CIITA: variants seen among roughly 807,000 people sequenced by gnomAD.
CIITA encodes the protein MHC class II transactivator.
In CIITA, 72 loss-of-function variants were observed where a neutral mutation model predicts 115.1. The ratio of observed to expected loss-of-function variants is 0.63; its 90% CI spans 0.52 to 0.76. The LOEUF is 0.76. Ranked by LOEUF, CIITA falls within the 30% of genes least tolerant of loss-of-function variation. The pLI is 0.00. For missense variants in CIITA, 1,617 were observed against 1,463.8 expected, an observed-to-expected ratio of 1.10 and a Z score of -1.71; for synonymous variants, 763 against 635.6, an observed-to-expected ratio of 1.20 and a Z score of -3.02.
chr16:10,886,927 A>G (rs1045493048), intron 1 of CIITA, among the ~76,000 whole-genome samples: 2 of 152,212 alleles, frequency 1.3e-5, no homozygotes, highest in African/African-American at 4.8e-5. Context: ...TCTACATTGC[A>G]AGCCTCTTTG....
intron 9 of CIITA, among the ~76,000 whole-genome samples, chr16:10,904,211 A>T (rs1355614347): frequency 2.0e-5 from 3 of 152,034 alleles, no homozygotes; most frequent in Non-Finnish European, 2.9e-5. Flanking sequence ...GTGATTTTTT[A>T]ATTTTTATTT....
At position 10,918,432 on chromosome 16, in the gene CIITA, C is replaced by T; in HGVS notation, c.3063-8C>T. The stretch of plus-strand genomic sequence containing the variant: ...TCCTGAGCCCTCCCCCTCACTGTGT[C>T]CCCGCAGTCTGTCCCAGAACAACAT... On this transcript the variant is annotated splice_region_variant and splice_polypyrimidine_tract_variant and intron_variant, in intron 15 of 19. Coordinates refer to ENST00000324288, the MANE Select transcript of CIITA (RefSeq NM_000246.4). 1 of 1,613,784 alleles carries T rather than the reference C, an allele frequency of 6.2e-7. No individual in the cohort carries two copies. The highest frequency in any genetic ancestry group is 8.5e-7 in the Non-Finnish European group (1 of 1,179,638).
downstream of CIITA, chr16:10,937,653 C>T (rs2041047514): frequency 6.6e-6 from 1 of 152,250 alleles, no homozygotes; most frequent in South Asian, 2.1e-4. The surrounding 1 kb of genome is among the most constrained non-coding windows in gnomAD (Gnocchi z 4.2). Context: ...GCAGCTTTCA[C>T]TTTCATTAGG....
At chr16:10,877,472 G>A (rs1471134781) in intron 1 of CIITA, 90 bp downstream of exon 1, 36 of 1,339,098 alleles carry the variant, frequency 2.7e-5, no homozygotes, top group Non-Finnish European at 2.1e-6. Flanking sequence ...TCTGAATTGG[G>A]GATGGGGGTG....
chr16:10,904,526 T>C (rs887046317), intron 9 of CIITA, among the ~76,000 whole-genome samples: 2 of 152,200 alleles, frequency 1.3e-5, no homozygotes, highest in Non-Finnish European at 2.9e-5. Context: ...CAGCCTGATA[T>C]TGCGATTTTC....
chr16:10,895,342 T>C lies in CIITA; in HGVS notation c.113T>C (p.Leu38Pro). 1 of 1,614,140 alleles carries C rather than the reference T, an allele frequency of 6.2e-7. No homozygotes were observed. The highest frequency in any genetic ancestry group is 1.7e-5 in the Admixed American group (1 of 60,024). The change falls in exon 2 of 20, where the codon CTT becomes CCT. Residue 38 changes from leucine to proline, a missense_variant. Leu to Pro is a moderately conservative substitution (Grantham distance 98). Transcript: ENST00000324288. ...GPLEGGYLEL[L>P]NSDADPLCLY... is the part of the protein sequence containing the mutation. The stretch of plus-strand genomic sequence containing the variant: ...CTAGAAGGTGGCTACCTGGAGCTTC[T>C]TAACAGCGATGCTGACCCCCTGTGC...
In CIITA at chr16:10,941,631, A is replaced by T. The variant is rs899449085; in HGVS notation, n.757A>T. On this transcript the variant is annotated non_coding_transcript_exon_variant, in exon 2 of 2. Coordinates refer to the CIITA transcript ENST00000573379. This position sits in a 1 kb window ranked among gnomAD's most constrained non-coding sequence, Gnocchi z 6.4. The stretch of plus-strand genomic sequence containing the variant: ...CCATCCCCGTCCAGATGGTGCCCCC[A>T]ACCAGCTGCGGCGGCATGATCTGGG... 2.0e-6 allele frequency: 3 copies of T among 1,524,640 alleles called. No homozygotes were observed. In the Admixed American group the frequency reaches 6.3e-5, roughly 32 times the overall value. 94.4% of individuals were successfully genotyped at this position (1,524,640 alleles called of 1,614,324 possible).
At chr16:10,913,682 G>A (rs1326203456) in intron 13 of CIITA, among the ~76,000 whole-genome samples, 3 of 149,172 alleles carry the variant, frequency 2.0e-5, no homozygotes, top group Non-Finnish European at 3.0e-5. Flanking sequence ...GCTTATGCCT[G>A]TAATCCCAGC....
At chr16:10,903,600 CT>C in intron 8 of CIITA, 130 bp from the exon 9 acceptor site, 1 of 969,938 alleles carries the variant, frequency 1.0e-6, no homozygotes, top group Non-Finnish European at 1.6e-6. Flanking sequence ...AAATATCTTC[CT>C]TTGGAAGTTC....
At chr16:10,915,678 T>C in intron 14 of CIITA, 28 bp downstream of exon 14, 2 of 1,580,872 alleles carry the variant, frequency 1.3e-6, no homozygotes, top group Admixed American at 3.3e-5. Flanking sequence ...GACCCCTTCC[T>C]CTCAACATCT....
chr16:10,904,271 G>C lies in CIITA; in HGVS notation c.937+376G>C, dbSNP rs1243287895. On this transcript the variant is annotated intron_variant, in intron 9 of 19. Coordinates refer to ENST00000324288, the MANE Select transcript of CIITA (RefSeq NM_000246.4). Reference sequence around the variant, plus strand: ...GAGTCTCACTCTGTTGCCCAGGCTAGAGTGCAGTGGTGCGATCTCAGATCA... The same window carrying C: ...GAGTCTCACTCTGTTGCCCAGGCTACAGTGCAGTGGTGCGATCTCAGATCA... Among the ~76,000 whole-genome samples, 5 of 152,134 alleles carry C rather than the reference G, an allele frequency of 3.3e-5. No homozygotes were observed. The East Asian group carries it at 9.6e-4, about 29-fold the overall frequency.
chr16:10,870,763 T>C (rs757675811), intron 1 of CIITA, among the ~76,000 whole-genome samples: 1 of 152,030 alleles, frequency 6.6e-6, no homozygotes, highest in Non-Finnish European at 1.5e-5. Flanking sequence ...CTAGTGAGGG[T>C]TAAATGAGAT....
rs561841137 is a variant in CIITA at position 10,907,051 on chromosome 16, C to A, written c.1559C>A (p.Ala520Glu). 1.2e-6 allele frequency: 2 copies of A among 1,607,302 alleles called. No individual in the cohort carries two copies. The highest frequency in any genetic ancestry group is 2.2e-5 in the East Asian group (1 of 44,868). ...CACAGCACGTGCGGACCGGCACCGG[C>A]GGAGCCCTGCTCCCTCCGGGGGCTG... ...FLHSTCGPAP[A>E]EPCSLRGLLA... The change falls in exon 11 of 20, where the codon GCG becomes GAG. Residue 520 changes from alanine (A) to glutamate (E), a missense_variant. Ala to Glu is a moderately radical substitution (Grantham distance 107, BLOSUM62 -1). Coordinates refer to ENST00000324288, the MANE Select transcript of CIITA (RefSeq NM_000246.4). This position sits in a 1 kb window ranked among gnomAD's most constrained non-coding sequence, Gnocchi z 5.0.
chr16:10,878,274 G>A (rs1481644276), intron 1 of CIITA, among the ~76,000 whole-genome samples: 3 of 152,186 alleles, frequency 2.0e-5, no homozygotes, highest in Admixed American at 1.3e-4. Flanking sequence ...GTTGGGTGCA[G>A]CCTTAAGTTG....
chr16:10,941,017 A>G (rs947466476), downstream of CIITA: 2 of 152,224 alleles, frequency 1.3e-5, no homozygotes, highest in African/African-American at 4.8e-5. This position sits in a 1 kb window ranked among gnomAD's most constrained non-coding sequence, Gnocchi z 6.4. Flanking sequence ...AGCAAACCCA[A>G]GGCCAAAAGG....
intron 13 of CIITA, 49 bp downstream of exon 13, chr16:10,910,308 G>A: frequency 1.3e-6 from 2 of 1,493,782 alleles, no homozygotes; most frequent in Non-Finnish European, 1.9e-6. Context: ...GGTTTCCCCT[G>A]CAGCATTAGC....
At chr16:10,867,325 G>C (rs80300757) in intron 1 of CIITA, among the ~76,000 whole-genome samples, 1,844 of 147,576 alleles carry the variant, frequency 0.012, 51 homozygotes, top group African/African-American at 0.046. Context: ...GTGTGTGTTG[G>C]GGGGGGGCAT....
rs2038419974 is a variant in CIITA, at chr16:10,898,900, T to G, written c.359-25T>G. ...TTGGGCTTTCATTGATTGTGTGAGT[T>G]GGTCTCTGGTTTTTCTCAAAGTAGA... is the stretch of plus-strand genomic sequence containing the variant. On this transcript the variant is annotated intron_variant, in intron 4 of 19. Transcript: ENST00000324288. 3 of 1,613,320 alleles carry G rather than the reference T, an allele frequency of 1.9e-6. No homozygotes were observed. In the African/African-American group the frequency reaches 4.0e-5, roughly 22 times the overall value.
In CIITA at chr16:10,901,617, A is replaced by G; in HGVS notation, c.481+59A>G. The G allele has an allele frequency of 3.9e-6, 6 of 1,557,502 alleles. No homozygotes were observed. The highest frequency in any genetic ancestry group is 5.3e-6 in the Non-Finnish European group (6 of 1,135,252). On this transcript the variant is annotated intron_variant, in intron 6 of 19. Transcript: ENST00000324288. This position sits in a 1 kb window ranked among gnomAD's most constrained non-coding sequence, Gnocchi z 6.8. ...GTGGATGCCTTGGGGAGGGGATGGA[A>G]GAGATTGAACTCCTGGCCCAAGTCT...
Sources: gnomAD v4.1 joint callset for allele counts (sites outside exome capture counted in the v4.1 genomes callset) on GRCh38, gnomAD v4.1.1 for gene constraint, Gnocchi (gnomAD v3.1) non-coding constraint, MANE v1.5 for transcripts, NCBI Gene and HGNC (gene_info 2026-07-23, HGNC 2026-07-21) for gene names.